The following PGM3 variants were observed in gnomAD, a reference collection of about 807,000 sequenced individuals.
PGM3 encodes phosphoglucomutase 3.
Under a neutral mutation model 66.2 loss-of-function variants are expected in PGM3, and 40 were observed. The ratio of observed to expected loss-of-function variants is 0.60; its 90% CI spans 0.47 to 0.79. The LOEUF is 0.79. PGM3 is among the 30% of genes least tolerant of loss of function. The probability of loss-of-function intolerance (pLI) is 0.00; values close to 1 mark genes in which losing one functional copy is unlikely to be tolerated. For synonymous variants in PGM3, 191 were observed against 224.2 expected (o/e 0.85, Z 1.32); for missense variants, 537 against 643.4 (o/e 0.83, Z 1.79).
Position 83,169,318 on chromosome 6 carries a change from A to G in PGM3, c.1545T>C (p.Ser515=), listed in dbSNP as rs367672402. The G allele has an allele frequency of 6.2e-7, 1 of 1,613,554 alleles. No homozygotes were observed. Among genetic ancestry groups the G allele is most frequent in the African/African-American group, 1.3e-5 (1 of 74,932 alleles). The change falls in exon 13 of 13, where the codon AGT becomes AGC. Residue 515 remains serine (S), a synonymous_variant. Transcript: ENST00000513973. ...RVYAEADSQE[S]ADHLAHEVSL... is the part of the protein sequence containing the mutation. ...TCACTTCATGTGCAAGGTGATCTGC[A>G]CTTTCCTGCAAATTACATTAAAAGA...
At chr6:83,170,733 C>G in intron 11 of PGM3, 1 of 348,886 alleles carries the variant, frequency 2.9e-6, no homozygotes, top group East Asian at 4.6e-5. Flanking sequence ...CCAGTAAATA[C>G]GATATGACTA....
In PGM3 at chr6:83,170,426, G is replaced by A. The variant is rs1350897187; in HGVS notation, c.1418C>T (p.Thr473Ile). The A allele has an allele frequency of 6.2e-7, 1 of 1,614,054 alleles. No homozygotes were observed. Among genetic ancestry groups the A allele is most frequent in the South Asian group, 1.1e-5 (1 of 91,080 alleles). Residue 473 changes from threonine (T) to isoleucine (I), a missense_variant, in exon 12 of 13, where the codon ACA (threonine) becomes ATA (isoleucine). By Grantham distance (89) the Thr-to-Ile change is moderately conservative (BLOSUM62 -1). Coordinates refer to ENST00000513973, the MANE Select transcript of PGM3 (RefSeq NM_015599.3). Reference protein sequence around the residue: ...STTDAERQAVTPPGLQEAIND... With the variant: ...STTDAERQAVIPPGLQEAIND... ...GATTGCCTCCTGTAATCCTGGGGGT[G>A]TAACTGCTTGTCTTTCAGCATCGGT...
chr6:83,181,538 G>C (rs1788175808), intron 6 of PGM3, among the ~76,000 whole-genome samples, 198 bp downstream of exon 6: 1 of 152,122 alleles, frequency 6.6e-6, no homozygotes, highest in African/African-American at 2.4e-5. Flanking sequence ...TAGACTATGA[G>C]GAATGGTGTG....
the PGM3 span, chr6:83,151,488 G>A: frequency 2.7e-6 from 2 of 734,568 alleles, no homozygotes; most frequent in Non-Finnish European, 4.3e-6. Context: ...ATTTAAAATG[G>A]AAATCAAGAC....
At position 83,168,218 on chromosome 6, in the gene PGM3, C is replaced by T. The variant is rs759804699; in HGVS notation, c.*1016G>A. On this transcript the variant is annotated 3_prime_UTR_variant, in exon 13 of 13. Transcript: ENST00000513973. ...TACATGTAAATGTAATTATTTAAAA[C>T]ACACACACTGCTCTGCGTTGTATAG... 6.4e-6 allele frequency: 10 copies of T among 1,559,330 alleles called. No homozygotes were observed. The South Asian group carries it at 8.7e-5, about 14-fold the overall frequency.
At chr6:83,182,202 G>C (rs916630424) in intron 5 of PGM3, among the ~76,000 whole-genome samples, 1 of 151,930 alleles carries the variant, frequency 6.6e-6, no homozygotes. Context: ...CAATTAACAG[G>C]GTCTCTTAAA....
In PGM3 at chr6:83,187,080, G is replaced by A; in HGVS notation, c.390-5C>T. The A allele has an allele frequency of 5.1e-6, 8 of 1,581,958 alleles. No individual in the cohort carries two copies. Among genetic ancestry groups the A allele is most frequent in the Non-Finnish European group, 6.9e-6 (8 of 1,152,206 alleles). Reference sequence around the variant, plus strand: ...GAAAGTTTCTCACTGCTGGGCCTAGGAAAGAAAAGGAAGAAAATAATATAT... The same window carrying A: ...GAAAGTTTCTCACTGCTGGGCCTAGAAAAGAAAAGGAAGAAAATAATATAT... On this transcript the variant is annotated splice_region_variant and splice_polypyrimidine_tract_variant and intron_variant, in intron 3 of 12. Transcript: ENST00000513973.
intron 1 of PGM3, among the ~76,000 whole-genome samples, chr6:83,191,651 A>G (rs896619179): frequency 3.9e-5 from 6 of 152,224 alleles, no homozygotes; most frequent in Admixed American, 3.9e-4. Flanking sequence ...AAAACTAGCA[A>G]TATCTTCTTC....
At chr6:83,161,099 A>G (rs1171535432), downstream of PGM3, 1 of 152,132 alleles carries the variant, frequency 6.6e-6, no homozygotes. Flanking sequence ...GCCAATATTA[A>G]CCAAGACACT....
At chr6:83,169,725 G>A (rs1336384142) in intron 12 of PGM3, 2 of 458,620 alleles carry the variant, frequency 4.4e-6, no homozygotes, top group African/African-American at 2.0e-5. Flanking sequence ...GCTGCCAAAT[G>A]TCTCCTCCTG....
At chr6:83,159,903 G>C (rs972871692), downstream of PGM3, 1 of 1,614,004 alleles carries the variant, frequency 6.2e-7, no homozygotes, top group Non-Finnish European at 8.5e-7. Context: ...CTCTCTGCTT[G>C]CAAATTTTTG....
intron 10 of PGM3, among the ~76,000 whole-genome samples, chr6:83,173,972 G>A (rs769113174): frequency 5.9e-5 from 9 of 151,818 alleles, no homozygotes; most frequent in African/African-American, 1.2e-4. Context: ...TCCTGACCTC[G>A]TGATCCGCCC....
chr6:83,151,718 G>T, the PGM3 span: 1 of 1,520,070 alleles, frequency 6.6e-7, no homozygotes, highest in South Asian at 1.2e-5. Flanking sequence ...ATTTGAAAAT[G>T]AGAGAGTCAA....
intron 7 of PGM3, among the ~76,000 whole-genome samples, 172 bp from the exon 8 acceptor site, chr6:83,178,928 T>C (rs780653763): frequency 2.0e-5 from 3 of 152,208 alleles, no homozygotes; most frequent in African/African-American, 4.8e-5. Context: ...AAGCCTAAAA[T>C]ACATTTGAAC....
chr6:83,166,711 T>G lies in PGM3; in HGVS notation c.*2523A>C. ...TATTTTCCTTTTTCAGGATTTTACTTTAAAATAAGCAATAAGCTTGAGAGC... is the reference window on the plus strand; with the variant it reads ...TATTTTCCTTTTTCAGGATTTTACTGTAAAATAAGCAATAAGCTTGAGAGC... On this transcript the variant is annotated 3_prime_UTR_variant, in exon 13 of 13. Coordinates refer to ENST00000513973, the MANE Select transcript of PGM3 (RefSeq NM_015599.3). 1.6e-6 allele frequency: 2 copies of G among 1,219,096 alleles called. No individual in the cohort carries two copies. Among genetic ancestry groups the G allele is most frequent in the African/African-American group, 1.6e-5 (1 of 64,174 alleles). 75.5% of individuals were successfully genotyped at this position (1,219,096 alleles called of 1,614,324 possible).
At chr6:83,179,309 CAAA>C (rs940300357) in intron 7 of PGM3, among the ~76,000 whole-genome samples, 15 of 71,560 alleles carry the variant, frequency 2.1e-4, no homozygotes, top group African/African-American at 3.4e-4. Flanking sequence ...AACACTGTCT[CAAA>C]AAAAAAAAAA....
chr6:83,192,695 A>C (rs1031911611), intron 1 of PGM3, among the ~76,000 whole-genome samples: 1 of 152,010 alleles, frequency 6.6e-6, no homozygotes, highest in Admixed American at 6.5e-5. Flanking sequence ...AACTCCAAAA[A>C]GCCATTAAAA....
At position 83,166,592 on chromosome 6, in the gene PGM3, T is replaced by C; in HGVS notation, c.*2642A>G. 3.1e-6 allele frequency: 2 copies of C among 654,520 alleles called. No homozygotes were observed. The highest frequency in any genetic ancestry group is 4.9e-6 in the Non-Finnish European group (2 of 405,620). 40.5% of individuals were successfully genotyped at this position (654,520 alleles called of 1,614,324 possible). Reference sequence around the variant, plus strand: ...AGTGAGAAATATGCTTAAAATGATGTATAACATAACCACATTTATTTAAGA... The same window carrying C: ...AGTGAGAAATATGCTTAAAATGATGCATAACATAACCACATTTATTTAAGA... On this transcript the variant is annotated 3_prime_UTR_variant, in exon 13 of 13. Transcript: ENST00000513973.
In PGM3 at chr6:83,166,998, T is replaced by C. The variant is rs1415520171; in HGVS notation, c.*2236A>G. ...CCAAGTTCAACCAACCTGTTCTCTC[T>C]TATCTTTCTCTAGACAGAATGATGT... On this transcript the variant is annotated 3_prime_UTR_variant, in exon 13 of 13. Coordinates refer to ENST00000513973, the MANE Select transcript of PGM3 (RefSeq NM_015599.3). The C allele has an allele frequency of 4.1e-6, 4 of 985,750 alleles. No individual in the cohort carries two copies. The highest frequency in any genetic ancestry group is 3.5e-5 in the African/African-American group (2 of 57,238). 61.1% of individuals were successfully genotyped at this position (985,750 alleles called of 1,614,324 possible).
Sources: allele counts gnomAD v4.1 joint callset (sites outside exome capture counted in the v4.1 genomes callset), GRCh38; gene constraint gnomAD v4.1.1; transcripts MANE v1.5; gene names NCBI Gene and HGNC (gene_info 2026-07-23, HGNC 2026-07-21).